The following TMEM108 variants were observed in gnomAD, a reference collection of about 807,000 sequenced individuals.
TMEM108 encodes the protein cancer/testis antigen 124.
A neutral mutation model predicts 35.1 loss-of-function variants in TMEM108; 12 were observed. That is an observed-to-expected ratio of 0.34 (90% CI 0.22 to 0.55). The LOEUF (loss-of-function observed/expected upper bound fraction) is 0.55. Ranked by LOEUF, TMEM108 falls within the 20% of genes least tolerant of loss-of-function variation. The pLI is 0.89. For missense variants in TMEM108, 680 were observed against 753.3 expected, an observed-to-expected ratio of 0.90 and a Z score of 1.14; for synonymous variants, 287 against 308.6, an observed-to-expected ratio of 0.93 and a Z score of 0.73.
intron 2 of TMEM108, among the ~76,000 whole-genome samples, chr3:133,052,746 G>T (rs1475992266): frequency 1.3e-5 from 2 of 151,954 alleles, no homozygotes; most frequent in African/African-American, 4.8e-5. Flanking sequence ...CAAGGGGGGT[G>T]CTATTAGCAT....
intron 2 of TMEM108, among the ~76,000 whole-genome samples, chr3:133,211,020 C>T (rs1335159500): frequency 3.9e-5 from 6 of 152,040 alleles, no homozygotes; most frequent in Admixed American, 6.6e-5. Context: ...GAACTAAGAA[C>T]GGGGAATGAG....
Position 133,380,204 on chromosome 3 carries a change from C to G in TMEM108, c.493C>G (p.Pro165Ala). 4.3e-6 allele frequency: 7 copies of G among 1,610,112 alleles called. No homozygotes were observed. The highest frequency in any genetic ancestry group is 5.1e-6 in the Non-Finnish European group (6 of 1,177,774). The change falls in exon 4 of 6, where the codon CCC becomes GCC. Residue 165 changes from proline (P) to alanine (A), a missense_variant. Physicochemically the swap from Pro to Ala is conservative, Grantham distance 27. This residue lies in a region of TMEM108 where 526 missense variants were observed against 532.1 expected (regional missense o/e 0.99). Coordinates refer to ENST00000321871, the MANE Select transcript of TMEM108 (RefSeq NM_023943.4). The surrounding 1 kb of genome is among the most constrained non-coding windows in gnomAD (Gnocchi z 5.3). Reference protein sequence around the residue: ...TAPPRTTTRRPPRPPGSSRKG... With the variant: ...TAPPRTTTRRAPRPPGSSRKG... ...GCCCCCCCGCACTACCACACGCAGG[C>G]CCCCCAGGCCCCCAGGCTCTTCCCG...
At chr3:133,144,985 A>G (rs1313817613) in intron 2 of TMEM108, among the ~76,000 whole-genome samples, 2 of 152,144 alleles carry the variant, frequency 1.3e-5, no homozygotes, top group African/African-American at 2.4e-5. Flanking sequence ...CCATTTGTCA[A>G]TGTTGGCTTT....
intron 3 of TMEM108, among the ~76,000 whole-genome samples, chr3:133,320,479 G>GACAAAA (rs60469164): frequency 0.53 from 79,889 of 151,310 alleles, 21,948 homozygotes; most frequent in East Asian, 0.86. Flanking sequence ...ATGAGAAAAA[G>GACAAAA]ACAAAACAAA....
At chr3:133,269,294 A>T (rs1946740314) in intron 3 of TMEM108, among the ~76,000 whole-genome samples, 1 of 152,200 alleles carries the variant, frequency 6.6e-6, no homozygotes, top group Admixed American at 6.5e-5. Context: ...AAACTGATAA[A>T]TGAGCATTGA....
chr3:133,114,895 T>A (rs1944269013), intron 2 of TMEM108, among the ~76,000 whole-genome samples: 1 of 152,118 alleles, frequency 6.6e-6, no homozygotes, highest in Admixed American at 6.6e-5. Context: ...CCCAGAAAAG[T>A]AGTAGCTTCC....
intron 2 of TMEM108, chr3:133,124,879 G>C (rs886935756): frequency 7.2e-5 from 11 of 152,298 alleles, no homozygotes; most frequent in African/African-American, 2.4e-4. Context: ...TGGGAACCCA[G>C]AGTGGGCAGT....
At chr3:133,079,273 A>G (rs1943781317) in intron 2 of TMEM108, among the ~76,000 whole-genome samples, 1 of 152,218 alleles carries the variant, frequency 6.6e-6, no homozygotes, top group Non-Finnish European at 1.5e-5. Context: ...GGGTCTTTCA[A>G]AAAACAGAGT....
chr3:133,137,533 G>A (rs970445944), intron 2 of TMEM108, among the ~76,000 whole-genome samples: 5 of 152,158 alleles, frequency 3.3e-5, no homozygotes, highest in Non-Finnish European at 5.9e-5. Flanking sequence ...TCACTCCACG[G>A]TGCAGCAGCC....
At position 133,060,317 on chromosome 3, in the gene TMEM108, A is replaced by G. The variant is rs538721816; in HGVS notation, c.-47+14297A>G. Among the ~76,000 whole-genome samples the G allele has an allele frequency of 3.9e-5, 6 of 152,254 alleles. 1 individual carries two copies. In the South Asian group the frequency reaches 1.2e-3, roughly 32 times the overall value. On this transcript the variant is annotated intron_variant, in intron 2 of 5. Transcript: ENST00000321871. ...TAAGGATTATCAACCCAGAGAAGGG[A>G]AGTAGCTTGCCCAAGGTCAGTCAGT...
chr3:133,225,985 T>C (rs988391238), intron 2 of TMEM108, among the ~76,000 whole-genome samples: 2 of 152,234 alleles, frequency 1.3e-5, no homozygotes, highest in African/African-American at 4.8e-5. Flanking sequence ...AACCTCGTTT[T>C]ATAAGTTTTA....
At chr3:133,040,947 G>T (rs1172122752) in intron 1 of TMEM108, among the ~76,000 whole-genome samples, 1 of 152,202 alleles carries the variant, frequency 6.6e-6, no homozygotes, top group Non-Finnish European at 1.5e-5. Context: ...CTCTGAGGAG[G>T]ATCTGTGTCA....
At position 133,044,705 on chromosome 3, in the gene TMEM108, G is replaced by A. The variant is rs544743424; in HGVS notation, c.-165-1197G>A. Among the ~76,000 whole-genome samples, 5 of 152,304 alleles carry A rather than the reference G, an allele frequency of 3.3e-5. No homozygotes were observed. The South Asian group carries it at 1.0e-3, about 32-fold the overall frequency. On this transcript the variant is annotated intron_variant, in intron 1 of 5. Coordinates refer to ENST00000321871, the MANE Select transcript of TMEM108 (RefSeq NM_023943.4). ...GGCTCGTGCCTTTGAGAAGAAGCTG[G>A]TGCTTTGAGAGGCTGAGGCAGGAGA...
chr3:133,320,708 T>C (rs3897878), intron 3 of TMEM108, among the ~76,000 whole-genome samples: 51,897 of 152,010 alleles, frequency 0.34, 9,199 homozygotes, highest in East Asian at 0.48. Flanking sequence ...ATCACCCAGG[T>C]GCGTAATCAT....
intron 2 of TMEM108, among the ~76,000 whole-genome samples, chr3:133,215,920 A>G (rs1283905168): frequency 6.6e-6 from 1 of 152,108 alleles, no homozygotes. Context: ...TATTTTCCCC[A>G]ACTGATTTGA....
chr3:133,268,788 T>C (rs1946733304), intron 3 of TMEM108, among the ~76,000 whole-genome samples: 1 of 152,196 alleles, frequency 6.6e-6, no homozygotes, highest in South Asian at 2.1e-4. Context: ...GATAGCTAAA[T>C]TTTCAGAAAA....
chr3:133,136,131 G>A (rs192929978), intron 2 of TMEM108, among the ~76,000 whole-genome samples: 56 of 152,324 alleles, frequency 3.7e-4, no homozygotes, highest in Non-Finnish European at 1.5e-5. Flanking sequence ...AATAATAGTT[G>A]GGGTGCAGTT....
At chr3:133,267,007 G>A (rs1946707457) in intron 3 of TMEM108, among the ~76,000 whole-genome samples, 1 of 150,606 alleles carries the variant, frequency 6.6e-6, no homozygotes, top group Non-Finnish European at 1.5e-5. Flanking sequence ...GTGAACCCAG[G>A]AGGCGGAGTT....
At chr3:133,162,530 A>G (rs994978680) in intron 2 of TMEM108, among the ~76,000 whole-genome samples, 2 of 152,156 alleles carry the variant, frequency 1.3e-5, no homozygotes, top group Non-Finnish European at 2.9e-5. Context: ...TTATCTCTGA[A>G]TTGTTTCTCC....
Sources: gnomAD v4.1 joint callset for allele counts (sites outside exome capture counted in the v4.1 genomes callset) on GRCh38, gnomAD v4.1.1 for gene constraint, gnomAD v4.1.1 regional missense constraint, Gnocchi (gnomAD v3.1) non-coding constraint, MANE v1.5 for transcripts, NCBI Gene and HGNC (gene_info 2026-07-23, HGNC 2026-07-21) for gene names.